CSMD3: variants seen among roughly 807,000 people sequenced by gnomAD.
CSMD3 encodes the protein CUB and sushi domain-containing protein 3.
Under a neutral mutation model 435.2 loss-of-function variants are expected in CSMD3, and 177 were observed. That is an observed-to-expected ratio of 0.41 (90% CI 0.36 to 0.46). The LOEUF (loss-of-function observed/expected upper bound fraction) is 0.46, where lower values mean the gene tolerates loss of function less well. Among genes scored for constraint, CSMD3 ranks in the 20% least tolerant of loss-of-function variants. The probability of loss-of-function intolerance (pLI) is 0.34; values close to 1 mark genes in which losing one functional copy is unlikely to be tolerated. For missense variants in CSMD3, 4,265 were observed against 4,504.6 expected (o/e 0.95, Z 1.52); for synonymous variants, 1,656 against 1,520.5 (o/e 1.09, Z -2.07).
chr8:112,618,248 G>A (rs1833803985), intron 22 of CSMD3, among the ~76,000 whole-genome samples: 1 of 152,090 alleles, frequency 6.6e-6, no homozygotes, highest in South Asian at 2.1e-4. Context: ...GAATTAAACA[G>A]AAGACTTCCA....
intron 1 of CSMD3, among the ~76,000 whole-genome samples, chr8:113,374,240 A>T (rs2094364524): frequency 6.6e-6 from 1 of 152,116 alleles, no homozygotes; most frequent in South Asian, 2.1e-4. Context: ...ACAGTCTGAT[A>T]ATTAGATTAT....
At chr8:112,410,512 A>ATT (rs1832247355) in intron 32 of CSMD3, among the ~76,000 whole-genome samples, 1 of 141,802 alleles carries the variant, frequency 7.1e-6, no homozygotes, top group Non-Finnish European at 1.5e-5. Context: ...ATATATATAT[A>ATT]TATATATGTA....
intron 4 of CSMD3, among the ~76,000 whole-genome samples, chr8:113,173,182 T>G (rs917103380): frequency 6.6e-6 from 1 of 152,186 alleles, no homozygotes; most frequent in African/African-American, 2.4e-5. Context: ...ACACAATGCA[T>G]GCATAACTAT....
intron 1 of CSMD3, among the ~76,000 whole-genome samples, chr8:113,402,160 T>C (rs1563786349): frequency 6.6e-6 from 1 of 151,388 alleles, no homozygotes; most frequent in Non-Finnish European, 1.5e-5. Context: ...AGTCACTATC[T>C]TAAATTTTTC....
At chr8:113,058,552 T>G (rs1273668730) in intron 5 of CSMD3, among the ~76,000 whole-genome samples, 1 of 151,986 alleles carries the variant, frequency 6.6e-6, no homozygotes, top group East Asian at 1.9e-4. Context: ...ATAAGTCAAT[T>G]TATTCATTAG....
chr8:112,990,949 A>T (rs1002109840), intron 6 of CSMD3, among the ~76,000 whole-genome samples: 1 of 151,864 alleles, frequency 6.6e-6, no homozygotes, highest in Admixed American at 6.6e-5. Context: ...TTTTTTTAAA[A>T]TCCTGAAATT....
chr8:112,979,767 G>A (rs550248938), intron 6 of CSMD3, among the ~76,000 whole-genome samples: 8 of 151,330 alleles, frequency 5.3e-5, no homozygotes, highest in African/African-American at 1.7e-4. Flanking sequence ...GATATCAAAT[G>A]ATATATACAA....
intron 59 of CSMD3, among the ~76,000 whole-genome samples, chr8:112,267,337 A>G (rs1233181132): frequency 6.6e-6 from 1 of 152,098 alleles, no homozygotes; most frequent in East Asian, 1.9e-4. Context: ...CTCAATAATA[A>G]TAGAGTTTTA....
At chr8:112,994,910 A>G (rs1175115871) in intron 6 of CSMD3, among the ~76,000 whole-genome samples, 2 of 151,630 alleles carry the variant, frequency 1.3e-5, no homozygotes, top group Non-Finnish European at 3.0e-5. Context: ...TTTTATTCTT[A>G]TATTTGAAAA....
intron 31 of CSMD3, among the ~76,000 whole-genome samples, chr8:112,491,349 G>T (rs1056325968): frequency 6.6e-6 from 1 of 152,052 alleles, no homozygotes; most frequent in Admixed American, 6.6e-5. Flanking sequence ...ACAGAGAAAA[G>T]TTCCAAAAGT....
intron 3 of CSMD3, among the ~76,000 whole-genome samples, chr8:113,232,466 A>T (rs1376868287): frequency 1.3e-5 from 2 of 151,672 alleles, no homozygotes; most frequent in South Asian, 2.1e-4. Context: ...CTCACTCTGT[A>T]ATTCTAAGGG....
chr8:113,319,837 G>T (rs2093937043), intron 1 of CSMD3, among the ~76,000 whole-genome samples: 1 of 151,960 alleles, frequency 6.6e-6, no homozygotes, highest in Non-Finnish European at 1.5e-5. Flanking sequence ...AACAACTTTG[G>T]TTATTCTTGC....
At chr8:112,952,074 G>C (rs1338848819) in intron 8 of CSMD3, among the ~76,000 whole-genome samples, 1 of 150,288 alleles carries the variant, frequency 6.7e-6, no homozygotes, top group Non-Finnish European at 1.5e-5. Context: ...TAAATCTATA[G>C]TTTCTTTTCT....
At position 112,550,714 on chromosome 8, in the gene CSMD3, C is replaced by A. The variant is rs16883806; in HGVS notation, c.4521G>T (p.Thr1507=). The A allele has an allele frequency of 6.2e-7, 1 of 1,608,024 alleles. No homozygotes were observed. The highest frequency in any genetic ancestry group is 8.5e-7 in the Non-Finnish European group (1 of 1,175,160). Residue 1507 remains threonine (T), a synonymous_variant, in exon 27 of 71, where the codon ACG becomes ACT. Transcript: ENST00000297405. ...ATCCAGATTTGCTAATATAAAAATC[C>A]GTGTCAAACTGGATGGTTACTATAT... ...TLNIVTIQFD[T]DFYISKSGFA...
At chr8:113,320,486 T>C (rs1261456889) in intron 1 of CSMD3, among the ~76,000 whole-genome samples, 1 of 152,096 alleles carries the variant, frequency 6.6e-6, no homozygotes, top group Admixed American at 6.5e-5. Flanking sequence ...GTGCTAAGGT[T>C]TCTGACAAAC....
At chr8:112,780,925 T>A (rs2078368276) in intron 13 of CSMD3, among the ~76,000 whole-genome samples, 1 of 152,078 alleles carries the variant, frequency 6.6e-6, no homozygotes, top group African/African-American at 2.4e-5. Context: ...ATCCTGGTGC[T>A]GTGCTGGGCT....
chr8:112,406,039 T>C (rs769938095), intron 35 of CSMD3, among the ~76,000 whole-genome samples: 1 of 152,054 alleles, frequency 6.6e-6, no homozygotes, highest in Non-Finnish European at 1.5e-5. Context: ...ATAATTGGAT[T>C]GTCGCAACAC....
At chr8:113,012,416 T>TC in intron 6 of CSMD3, among the ~76,000 whole-genome samples, 1 of 152,030 alleles carries the variant, frequency 6.6e-6, no homozygotes, top group South Asian at 2.1e-4. Context: ...TGGCTCTGTG[T>TC]CCCCACTCAA....
chr8:112,423,454 A>G (rs190549917), intron 32 of CSMD3, among the ~76,000 whole-genome samples: 11 of 152,324 alleles, frequency 7.2e-5, no homozygotes, highest in Admixed American at 7.2e-4. Context: ...AGAAACTTAC[A>G]AATGGAAATT....
Sources: allele counts gnomAD v4.1 joint callset (sites outside exome capture counted in the v4.1 genomes callset), GRCh38; gene constraint gnomAD v4.1.1; transcripts MANE v1.5; gene names NCBI Gene and HGNC (gene_info 2026-07-23, HGNC 2026-07-21).